Variants in ZNF423 observed in about 807,000 individuals in gnomAD.
ZNF423 encodes the protein zinc finger protein 423.
In ZNF423, 12 loss-of-function variants were observed where a neutral mutation model predicts 95.8. The observed-to-expected ratio is 0.13, with a 90% CI of 0.08 to 0.20. The LOEUF is 0.20. Ranked by LOEUF, ZNF423 falls within the 10% of genes least tolerant of loss-of-function variation. ZNF423 has a pLI of 1.00. For missense variants in ZNF423, 1,316 were observed against 1,737.1 expected (o/e 0.76, Z 4.31); for synonymous variants, 749 against 711.9 (o/e 1.05, Z -0.83).
intron 1 of ZNF423, among the ~76,000 whole-genome samples, chr16:49,842,403 A>G (rs571548107): frequency 2.1e-5 from 2 of 93,038 alleles, no homozygotes; most frequent in South Asian, 8.4e-4. Flanking sequence ...GAAGGAAGGA[A>G]GGAAGGAAGG....
chr16:49,630,948 C>T (rs1220577809), intron 4 of ZNF423, among the ~76,000 whole-genome samples: 1 of 152,100 alleles, frequency 6.6e-6, no homozygotes, highest in Non-Finnish European at 1.5e-5. Flanking sequence ...TGTGCAAGCA[C>T]ACGTATGCAT....
chr16:49,841,390 G>T (rs989419463), intron 1 of ZNF423, among the ~76,000 whole-genome samples: 1 of 152,112 alleles, frequency 6.6e-6, no homozygotes, highest in African/African-American at 2.4e-5. Context: ...CTCAGCTGAG[G>T]GTTCTCCAAG....
chr16:49,587,978 T>C (rs74602391), intron 5 of ZNF423, among the ~76,000 whole-genome samples: 95 of 152,250 alleles, frequency 6.2e-4, no homozygotes, highest in African/African-American at 2.1e-3. Context: ...TCCTAACCCA[T>C]TCATACTACT....
intron 1 of ZNF423, among the ~76,000 whole-genome samples, chr16:49,837,542 G>C (rs1273891813): frequency 6.6e-6 from 1 of 152,140 alleles, no homozygotes; most frequent in Non-Finnish European, 1.5e-5. Flanking sequence ...CGCATCAACA[G>C]GCCACCTGCA....
chr16:49,548,314 T>C (rs1486222652), intron 5 of ZNF423, among the ~76,000 whole-genome samples: 1 of 152,176 alleles, frequency 6.6e-6, no homozygotes, highest in East Asian at 1.9e-4. Flanking sequence ...ATGCACGACA[T>C]TAAAATTTGG....
At chr16:49,597,671 T>C (rs1971228036) in intron 5 of ZNF423, among the ~76,000 whole-genome samples, 1 of 152,152 alleles carries the variant, frequency 6.6e-6, no homozygotes, top group African/African-American at 2.4e-5. Flanking sequence ...GGTGCCGTTC[T>C]CTTAGGTACC....
intron 5 of ZNF423, among the ~76,000 whole-genome samples, chr16:49,623,284 T>C (rs530141979): frequency 6.6e-6 from 1 of 152,272 alleles, no homozygotes; most frequent in African/African-American, 2.4e-5. Context: ...CCAAGGCGCC[T>C]TCCCTCAGAA....
chr16:49,648,242 C>T (rs1973249442), intron 3 of ZNF423, among the ~76,000 whole-genome samples: 1 of 152,146 alleles, frequency 6.6e-6, no homozygotes, highest in African/African-American at 2.4e-5. Flanking sequence ...GGAAGCAGAA[C>T]TTTCATGGAT....
At chr16:49,794,277 C>A (rs1380798647) in intron 1 of ZNF423, among the ~76,000 whole-genome samples, 2 of 150,748 alleles carry the variant, frequency 1.3e-5, no homozygotes, top group Non-Finnish European at 3.0e-5. Context: ...CCATGTTGCC[C>A]AGGCTGGTCT....
intron 3 of ZNF423, among the ~76,000 whole-genome samples, chr16:49,688,060 T>G (rs1413003985): frequency 8.7e-4 from 126 of 145,624 alleles, no homozygotes; most frequent in African/African-American, 3.1e-3. Context: ...TGCGGTTTTT[T>G]TTTTTTTTTT....
At chr16:49,537,688 C>G (rs1216813888) in intron 5 of ZNF423, among the ~76,000 whole-genome samples, 1 of 152,134 alleles carries the variant, frequency 6.6e-6, no homozygotes, top group Non-Finnish European at 1.5e-5. Flanking sequence ...TCACGTCTTC[C>G]TCTCAAGTCT....
At chr16:49,529,359 C>G (rs188406339) in intron 5 of ZNF423, among the ~76,000 whole-genome samples, 49 of 152,110 alleles carry the variant, frequency 3.2e-4, no homozygotes, top group African/African-American at 1.2e-3. Context: ...AAACAAACAA[C>G]CCGCCAAGCA....
chr16:49,497,156 T>C (rs529010552), intron 7 of ZNF423, among the ~76,000 whole-genome samples: 22 of 152,094 alleles, frequency 1.4e-4, no homozygotes, highest in African/African-American at 5.3e-4. Context: ...TCAGGGAGAC[T>C]CCACAGGGGA....
chr16:49,581,830 G>C (rs1970685895), intron 5 of ZNF423, among the ~76,000 whole-genome samples: 1 of 152,104 alleles, frequency 6.6e-6, no homozygotes, highest in Admixed American at 6.5e-5. Context: ...ATCCAAATGC[G>C]ATCTGGCAGA....
At chr16:49,500,742 A>AC (rs1967362356) in intron 7 of ZNF423, among the ~76,000 whole-genome samples, 1 of 147,422 alleles carries the variant, frequency 6.8e-6, no homozygotes. Flanking sequence ...CCCCATCTCT[A>AC]CGAAAAAAAA....
intron 1 of ZNF423, among the ~76,000 whole-genome samples, chr16:49,792,018 A>AAGAAAG (rs1555486464): frequency 7.2e-6 from 1 of 138,282 alleles, no homozygotes; most frequent in Non-Finnish European, 1.5e-5. Flanking sequence ...AAAAAAAAAA[A>AAGAAAG]AAAGAAAGAA....
chr16:49,755,488 G>A (rs1466192627), intron 2 of ZNF423, among the ~76,000 whole-genome samples: 1 of 152,084 alleles, frequency 6.6e-6, no homozygotes, highest in East Asian at 1.9e-4. Context: ...ATTCTTACCA[G>A]ACATGGCTAA....
In ZNF423 at chr16:49,603,374, G is replaced by A. The variant is rs1971437167; in HGVS notation, c.3601+22796C>T. ...CACACAGGTTCCTGAATTTAGAAAA[G>A]CCCAGCATATGGTTTTATACCCTAC... On this transcript the variant is annotated intron_variant, in intron 5 of 7. Coordinates refer to ENST00000563137, the MANE Select transcript of ZNF423 (RefSeq NM_001379286.1). This position sits in a 1 kb window ranked among gnomAD's most constrained non-coding sequence, Gnocchi z 4.1. 6.6e-6 allele frequency among the ~76,000 whole-genome samples: 1 copy of A among 152,080 alleles called. No individual in the cohort carries two copies. Among genetic ancestry groups the A allele is most frequent in the African/African-American group, 2.4e-5 (1 of 41,406 alleles).
chr16:49,597,514 C>G (rs1045826688), intron 5 of ZNF423, among the ~76,000 whole-genome samples: 2 of 152,166 alleles, frequency 1.3e-5, no homozygotes, highest in Non-Finnish European at 2.9e-5. Context: ...TTTAATTTCA[C>G]CGGTTTCCTT....
Sources: gnomAD v4.1 joint callset for allele counts (sites outside exome capture counted in the v4.1 genomes callset) on GRCh38, gnomAD v4.1.1 for gene constraint, Gnocchi (gnomAD v3.1) non-coding constraint, MANE v1.5 for transcripts, NCBI Gene and HGNC (gene_info 2026-07-23, HGNC 2026-07-21) for gene names.